Variants in SLC41A2 observed in about 807,000 individuals in gnomAD.
The protein encoded by SLC41A2 is solute carrier family 41 member 2, also known as SLC41A1-like 1.
Under a neutral mutation model 58.3 loss-of-function variants are expected in SLC41A2, and 32 were observed. The observed-to-expected ratio is 0.55, with a 90% CI of 0.41 to 0.74. The LOEUF (loss-of-function observed/expected upper bound fraction) is 0.74. Among genes scored for constraint, SLC41A2 ranks in the 30% least tolerant of loss-of-function variants. The probability of loss-of-function intolerance (pLI) is 0.00; values close to 1 mark genes in which losing one functional copy is unlikely to be tolerated. For synonymous variants in SLC41A2, 190 were observed against 235.0 expected (o/e 0.81, Z 1.75); for missense variants, 514 against 680.6 (o/e 0.76, Z 2.72).
At chr12:104,909,880 C>T in intron 2 of SLC41A2, 118 bp from the exon 3 acceptor site, 1 of 626,988 alleles carries the variant, frequency 1.6e-6, no homozygotes, top group African/African-American at 1.9e-5. Flanking sequence ...TTTGAATAAC[C>T]ACACAGTTCA....
intron 4 of SLC41A2, among the ~76,000 whole-genome samples, chr12:104,893,034 C>A (rs1265004956): frequency 1.3e-5 from 2 of 151,926 alleles, no homozygotes; most frequent in African/African-American, 4.8e-5. Flanking sequence ...TTCTGCACAG[C>A]AAAGGAAACA....
chr12:104,815,910 G>A (rs1226430957), intron 10 of SLC41A2, among the ~76,000 whole-genome samples: 6 of 152,142 alleles, frequency 3.9e-5, no homozygotes, highest in Non-Finnish European at 7.3e-5. Context: ...TTGGGTGGCA[G>A]GTGGGGGAAG....
In SLC41A2 at chr12:104,803,261, T is replaced by TAA. The variant is rs2040760283; in HGVS notation, c.*1889_*1890dup. ...AATCAAAGATATTCATGGATTTTTT[T>TAA]AAGTAAAAAATCTTTGCAGCTAAAT... is the stretch of plus-strand genomic sequence containing the variant. On this transcript the variant is annotated 3_prime_UTR_variant, in exon 11 of 11. Transcript: ENST00000258538. 6.6e-6 allele frequency: 1 copy of TAA among 152,050 alleles called. No homozygotes were observed. The highest frequency in any genetic ancestry group is 1.9e-4 in the East Asian group (1 of 5,186). The allele number at this position is 152,050 out of a possible 1,614,324, so 9.4% of individuals were successfully genotyped here.
chr12:104,906,122 A>G (rs527639384), intron 3 of SLC41A2, among the ~76,000 whole-genome samples: 1 of 152,384 alleles, frequency 6.6e-6, no homozygotes, highest in South Asian at 2.1e-4. Flanking sequence ...TAAAGATAAA[A>G]GCTAGAGATA....
In SLC41A2 at chr12:104,915,180, A is replaced by C. The variant is rs115664214; in HGVS notation, c.556-5418T>G. ...AAATCCACAAGAATAAACAAAAATGAAAATTCAAAATAATAAGTTGAAGAA... is the reference window on the plus strand; with the variant it reads ...AAATCCACAAGAATAAACAAAAATGCAAATTCAAAATAATAAGTTGAAGAA... On this transcript the variant is annotated intron_variant, in intron 2 of 10. Transcript: ENST00000258538. 8.7e-3 allele frequency among the ~76,000 whole-genome samples: 1,326 copies of C among 152,366 alleles called. 26 individuals carry two copies. Among genetic ancestry groups the C allele is most frequent in the African/African-American group, 0.03 (1,245 of 41,594 alleles).
At chr12:104,860,534 A>T (rs2136419631) in intron 8 of SLC41A2, among the ~76,000 whole-genome samples, 1 of 152,288 alleles carries the variant, frequency 6.6e-6, no homozygotes, top group East Asian at 1.9e-4. Flanking sequence ...TAGATAACAA[A>T]AAAATATACG....
intron 7 of SLC41A2, among the ~76,000 whole-genome samples, chr12:104,866,182 T>C (rs546635088): frequency 1.3e-5 from 2 of 152,250 alleles, no homozygotes; most frequent in South Asian, 2.1e-4. Flanking sequence ...AAGTTTGAAA[T>C]TGGTAGCCAC....
chr12:104,831,825 A>G (rs1184720912), intron 10 of SLC41A2, among the ~76,000 whole-genome samples: 1 of 152,222 alleles, frequency 6.6e-6, no homozygotes, highest in Non-Finnish European at 1.5e-5. Flanking sequence ...AGAATAAGAC[A>G]TAGTTATTGC....
Position 104,871,155 on chromosome 12 carries a change from A to G in SLC41A2, c.1028-4576T>C, listed in dbSNP as rs556953664. 2.6e-5 allele frequency among the ~76,000 whole-genome samples: 4 copies of G among 152,352 alleles called. No individual in the cohort carries two copies. In the South Asian group the frequency reaches 8.3e-4, roughly 32 times the overall value. Reference sequence around the variant, plus strand: ...ATCTGTTTAAAGTTAATCTTGAAAAATGAAAAATCAATCAACATTTTGCCT... The same window carrying G: ...ATCTGTTTAAAGTTAATCTTGAAAAGTGAAAAATCAATCAACATTTTGCCT... On this transcript the variant is annotated intron_variant, in intron 6 of 10. Transcript: ENST00000258538.
At chr12:104,908,356 A>T (rs1008316554) in intron 3 of SLC41A2, among the ~76,000 whole-genome samples, 2 of 152,226 alleles carry the variant, frequency 1.3e-5, no homozygotes, top group African/African-American at 4.8e-5. Context: ...AAGAAACTTT[A>T]GGAAACTGGC....
chr12:104,874,166 C>CG (rs2043930218), intron 6 of SLC41A2, among the ~76,000 whole-genome samples: 2 of 151,374 alleles, frequency 1.3e-5, no homozygotes, highest in African/African-American at 4.9e-5. Context: ...CTCTGCCTCC[C>CG]GGGTTCACAC....
At chr12:104,828,119 T>G (rs1424594014) in intron 10 of SLC41A2, among the ~76,000 whole-genome samples, 2 of 152,016 alleles carry the variant, frequency 1.3e-5, no homozygotes, top group Non-Finnish European at 2.9e-5. Context: ...CAACTGGACG[T>G]CAAGAGGAGC....
intron 10 of SLC41A2, among the ~76,000 whole-genome samples, chr12:104,821,512 A>C (rs549547340): frequency 1.3e-5 from 2 of 152,326 alleles, no homozygotes; most frequent in African/African-American, 4.8e-5. Context: ...TAACAGTAAA[A>C]TAGCTGAATG....
intron 8 of SLC41A2, chr12:104,851,824 G>A (rs967345856): frequency 1.3e-5 from 2 of 152,174 alleles, no homozygotes; most frequent in South Asian, 2.1e-4. Context: ...AAAGAATAGA[G>A]GCTGGTCCAA....
intron 2 of SLC41A2, among the ~76,000 whole-genome samples, chr12:104,918,971 C>T (rs1212088617): frequency 6.6e-6 from 1 of 152,124 alleles, no homozygotes; most frequent in East Asian, 1.9e-4. Context: ...CCACAAGGAG[C>T]TCTCCTAATT....
At chr12:104,957,577 C>A (rs1244675769) in intron 1 of SLC41A2, among the ~76,000 whole-genome samples, 1 of 152,180 alleles carries the variant, frequency 6.6e-6, no homozygotes, top group Non-Finnish European at 1.5e-5. Context: ...ATATACACAT[C>A]AATGTATATC....
chr12:104,952,745 A>G (rs1369752812), intron 1 of SLC41A2, among the ~76,000 whole-genome samples: 1 of 152,162 alleles, frequency 6.6e-6, no homozygotes. Flanking sequence ...TTCACAATCT[A>G]CTAGTAGGTG....
chr12:104,845,545 A>C (rs2042570797), intron 9 of SLC41A2, among the ~76,000 whole-genome samples: 1 of 152,184 alleles, frequency 6.6e-6, no homozygotes, highest in South Asian at 2.1e-4. Flanking sequence ...AAGATAGTAC[A>C]TCTGCCTCCC....
At chr12:104,924,839 A>G (rs1424323798) in intron 2 of SLC41A2, among the ~76,000 whole-genome samples, 2 of 152,216 alleles carry the variant, frequency 1.3e-5, no homozygotes, top group Non-Finnish European at 2.9e-5. Context: ...ATAATGGATT[A>G]CTATCCAGCA....
Sources: gnomAD v4.1 joint callset for allele counts (sites outside exome capture counted in the v4.1 genomes callset) on GRCh38, gnomAD v4.1.1 for gene constraint, MANE v1.5 for transcripts, NCBI Gene and HGNC (gene_info 2026-07-23, HGNC 2026-07-21) for gene names.